The following GSN variants were observed in gnomAD, a reference collection of about 807,000 sequenced individuals.
The protein encoded by GSN is actin-depolymerizing factor.
In GSN, 56 loss-of-function variants were observed where a neutral mutation model predicts 85.7. That is an observed-to-expected ratio of 0.65 (90% CI 0.53 to 0.82). The LOEUF is 0.82. Among genes scored for constraint, GSN ranks in the 40% least tolerant of loss-of-function variants. The pLI is 0.00. For missense variants in GSN, 857 were observed against 979.8 expected, an observed-to-expected ratio of 0.87 and a Z score of 1.67; for synonymous variants, 373 against 399.1, an observed-to-expected ratio of 0.93 and a Z score of 0.78.
chr9:121,214,568 A>G (rs1343482722), intron 4 of GSN, among the ~76,000 whole-genome samples: 1 of 152,226 alleles, frequency 6.6e-6, no homozygotes, highest in Non-Finnish European at 1.5e-5. Flanking sequence ...GAAGTAAGGA[A>G]TGACTGTTTC....
chr9:121,224,131 T>C (rs1233505040), intron 4 of GSN, among the ~76,000 whole-genome samples: 1 of 151,354 alleles, frequency 6.6e-6, no homozygotes, highest in Non-Finnish European at 1.5e-5. Flanking sequence ...GAGTCTTGCT[T>C]TGTCGCCCAG....
Position 121,328,996 on chromosome 9 carries a change from A to G in GSN, c.1868A>G (p.Asn623Ser), listed in dbSNP as rs752859095. 3.7e-6 allele frequency: 6 copies of G among 1,613,910 alleles called. No individual in the cohort carries two copies. In the South Asian group the frequency reaches 6.6e-5, roughly 18 times the overall value. ...CCTCCTCGCCTCTTTGCCTGCTCCA[A>G]CAAGATTGGACGTTTTGTGGTGAGC... ...AHPPRLFACS[N>S]KIGRFVIEEV... Residue 623 changes from asparagine (N) to serine (S), a missense_variant, in exon 15 of 18, where the codon AAC becomes AGC. By Grantham distance (46) the Asn-to-Ser change is conservative. Transcript: ENST00000432226.
chr9:121,268,066 C>T (rs959700155), upstream of GSN: 1 of 151,604 alleles, frequency 6.6e-6, no homozygotes, highest in Non-Finnish European at 1.5e-5. Flanking sequence ...GCTCCTCCCC[C>T]ACCCGCCTGC....
intron 6 of GSN, chr9:121,312,703 C>A (rs957491886): frequency 7.2e-6 from 3 of 419,292 alleles, no homozygotes; most frequent in Non-Finnish European, 1.3e-5. Context: ...TCACAGCTCA[C>A]TGCAGCCTTG....
intron 1 of GSN, among the ~76,000 whole-genome samples, chr9:121,274,843 G>C (rs973981730): frequency 6.6e-6 from 1 of 152,216 alleles, no homozygotes; most frequent in African/African-American, 2.4e-5. Context: ...CAAGGATGAG[G>C]GGTTCTGGCT....
At chr9:121,294,539 T>C (rs1170463158) in intron 2 of GSN, among the ~76,000 whole-genome samples, 1 of 152,202 alleles carries the variant, frequency 6.6e-6, no homozygotes, top group Non-Finnish European at 1.5e-5. Flanking sequence ...TAGGTGGGGC[T>C]GGCTCCGGAA....
At chr9:121,325,629 GACA>G (rs2063060847) in intron 12 of GSN, among the ~76,000 whole-genome samples, 2 of 152,134 alleles carry the variant, frequency 1.3e-5, no homozygotes, top group South Asian at 4.1e-4. Context: ...AGGGGAAGCG[GACA>G]ACAACTGTGC....
intron 4 of GSN, among the ~76,000 whole-genome samples, chr9:121,308,207 AC>A (rs1346207023): frequency 6.6e-6 from 1 of 152,236 alleles, no homozygotes; most frequent in East Asian, 1.9e-4. Flanking sequence ...CTCTGTGAGC[AC>A]TGGCCGCCCT....
chr9:121,223,369 C>T (rs1047879728), intron 4 of GSN, among the ~76,000 whole-genome samples: 1 of 152,148 alleles, frequency 6.6e-6, no homozygotes, highest in Non-Finnish European at 1.5e-5. Context: ...ATTACTATTA[C>T]TTTTCTAGAA....
chr9:121,274,689 G>T (rs2056447374), intron 1 of GSN, among the ~76,000 whole-genome samples: 1 of 152,186 alleles, frequency 6.6e-6, no homozygotes, highest in African/African-American at 2.4e-5. Context: ...GTAGGGGTCA[G>T]CGGATGGAAA....
intron 2 of GSN, among the ~76,000 whole-genome samples, chr9:121,291,069 A>T (rs1047061411): frequency 2.6e-5 from 4 of 152,250 alleles, no homozygotes; most frequent in African/African-American, 4.8e-5. Flanking sequence ...AATAAAAATT[A>T]AAAAAAGTAA....
chr9:121,212,645 C>CT lies in GSN; in HGVS notation c.-528+1792dup, dbSNP rs765703897. 7.9e-3 allele frequency among the ~76,000 whole-genome samples: 1,123 copies of CT among 141,930 alleles called. 4 individuals are homozygous for CT. The highest frequency in any genetic ancestry group is 0.012 in the South Asian group (52 of 4,474). The allele number at this position is 141,930 out of a possible 152,430, so 93.1% of individuals were successfully genotyped here. ...AAGTCTTTTGGTCTCACTCCTTGGC[C>CT]TTTTTTTTTTTTTTCTGAGATGGAG... On this transcript the variant is annotated intron_variant, in intron 4 of 24. Transcript: ENST00000373823.
At chr9:121,258,304 A>G (rs1311187548) in intron 6 of GSN, among the ~76,000 whole-genome samples, 9 of 152,138 alleles carry the variant, frequency 5.9e-5, no homozygotes, top group African/African-American at 2.2e-4. Flanking sequence ...CTCTACTAAA[A>G]ATACAAATAT....
At chr9:121,327,234 G>C in intron 13 of GSN, 74 bp from the exon 14 acceptor site, 1 of 1,180,826 alleles carries the variant, frequency 8.5e-7, no homozygotes, top group South Asian at 1.2e-5. Flanking sequence ...CCTGCTGCGG[G>C]GTCTCCTGGG....
intron 2 of GSN, among the ~76,000 whole-genome samples, chr9:121,291,469 A>C (rs2132897960): frequency 7.4e-6 from 1 of 135,096 alleles, no homozygotes; most frequent in South Asian, 2.4e-4. Context: ...CCCAGGCTGG[A>C]GTGCAGTGGC....
upstream of GSN, among the ~76,000 whole-genome samples, chr9:121,267,216 C>T (rs1368021108): frequency 6.6e-6 from 1 of 152,144 alleles, no homozygotes; most frequent in East Asian, 1.9e-4. Flanking sequence ...GCTGGGAGGC[C>T]GTCTTATGCC....
At chr9:121,313,841 G>A in intron 6 of GSN, 93 bp from the exon 7 acceptor site, 1 of 967,566 alleles carries the variant, frequency 1.0e-6, no homozygotes, top group Non-Finnish European at 1.7e-6. Flanking sequence ...CACAGTGGAT[G>A]TCCTTGTGAT....
chr9:121,293,010 G>A (rs1362070985), intron 2 of GSN, among the ~76,000 whole-genome samples: 1 of 152,220 alleles, frequency 6.6e-6, no homozygotes, highest in Non-Finnish European at 1.5e-5. Flanking sequence ...AGCCCAGCAA[G>A]GAGGAAATCT....
Position 121,329,321 on chromosome 9 carries a change from T to C in GSN, c.1965+6T>C. On this transcript the variant is annotated splice_donor_region_variant and intron_variant, in intron 16 of 17. Transcript: ENST00000432226. The surrounding 1 kb of genome is among the most constrained non-coding windows in gnomAD (Gnocchi z 4.6). Reference sequence around the variant, plus strand: ...TTCTGGACACCTGGGACCAGGTGGGTGAAGGACAGGTGAAGGCTCTCTGTG... The same window carrying C: ...TTCTGGACACCTGGGACCAGGTGGGCGAAGGACAGGTGAAGGCTCTCTGTG... The C allele has an allele frequency of 6.4e-7, 1 of 1,556,244 alleles. No individual in the cohort carries two copies. Among genetic ancestry groups the C allele is most frequent in the Non-Finnish European group, 8.9e-7 (1 of 1,127,236 alleles).
Sources: gnomAD v4.1 joint callset for allele counts (sites outside exome capture counted in the v4.1 genomes callset) on GRCh38, gnomAD v4.1.1 for gene constraint, Gnocchi (gnomAD v3.1) non-coding constraint, MANE v1.5 for transcripts, NCBI Gene and HGNC (gene_info 2026-07-23, HGNC 2026-07-21) for gene names.